Variants in BEND4 observed in about 807,000 individuals in gnomAD.
The protein encoded by BEND4 is BEN domain-containing protein 4.
Under a neutral mutation model 54.7 loss-of-function variants are expected in BEND4, and 27 were observed. That is an observed-to-expected ratio of 0.49 (90% CI 0.36 to 0.68). The LOEUF (loss-of-function observed/expected upper bound fraction) is 0.68. BEND4 is among the 30% of genes least tolerant of loss of function. The pLI, the probability that BEND4 is intolerant of heterozygous loss-of-function variation, is 0.00. For synonymous variants in BEND4, 327 were observed against 299.5 expected (o/e 1.09, Z -0.95); for missense variants, 702 against 697.2 (o/e 1.01, Z -0.08).
chr4:42,152,214 C>T lies in BEND4; in HGVS notation c.-71G>A, dbSNP rs1252556994. On this transcript the variant is annotated 5_prime_UTR_variant, in exon 2 of 6. Coordinates refer to ENST00000502486, the MANE Select transcript of BEND4 (RefSeq NM_207406.4). ...GGGCGCCGGGCTCCGAGGGTGCCTC[C>T]GCCGCCTGCCCGCCGGGTCTGCCCT... is the stretch of plus-strand genomic sequence containing the variant. 2 of 1,223,002 alleles carry T rather than the reference C, an allele frequency of 1.6e-6. No individual in the cohort carries two copies. The highest frequency in any genetic ancestry group is 3.3e-5 in the East Asian group (1 of 30,680). 75.8% of individuals were successfully genotyped at this position (1,223,002 alleles called of 1,614,324 possible).
intron 3 of BEND4, among the ~76,000 whole-genome samples, chr4:42,127,212 C>A (rs1454012098): frequency 6.6e-6 from 1 of 152,142 alleles, no homozygotes; most frequent in East Asian, 1.9e-4. Context: ...ATTTGAATAA[C>A]AGGAAGTAGG....
chr4:42,150,869 G>A (rs1284038049), intron 2 of BEND4, among the ~76,000 whole-genome samples: 4 of 152,346 alleles, frequency 2.6e-5, no homozygotes, highest in Non-Finnish European at 4.4e-5. Flanking sequence ...AGGACCCCGC[G>A]GCGCGGCAGC....
chr4:42,135,844 G>C (rs140148847), intron 3 of BEND4, among the ~76,000 whole-genome samples: 1 of 152,090 alleles, frequency 6.6e-6, no homozygotes, highest in Admixed American at 6.5e-5. Context: ...TTAGAGAAAG[G>C]GAAACAGATT....
chr4:42,117,457 A>G lies in BEND4; in HGVS notation c.*61T>C, dbSNP rs1448333902. On this transcript the variant is annotated 3_prime_UTR_variant, in exon 6 of 6. Coordinates refer to ENST00000502486, the MANE Select transcript of BEND4 (RefSeq NM_207406.4). ...CTTTGGACTCTCAGGTGACAGGAACAGGACATTCACAATTGGAACTCTTGA... is the reference window on the plus strand; with the variant it reads ...CTTTGGACTCTCAGGTGACAGGAACGGGACATTCACAATTGGAACTCTTGA... 8.4e-7 allele frequency: 1 copy of G among 1,197,344 alleles called. No homozygotes were observed. Among genetic ancestry groups the G allele is most frequent in the Non-Finnish European group, 1.2e-6 (1 of 831,174 alleles). The allele number at this position is 1,197,344 out of a possible 1,614,324, so 74.2% of individuals were successfully genotyped here.
chr4:42,138,153 A>C (rs554989189), intron 3 of BEND4, among the ~76,000 whole-genome samples: 38 of 152,348 alleles, frequency 2.5e-4, no homozygotes, highest in Admixed American at 2.0e-3. Context: ...TTGCAGCATT[A>C]TTCCCAATAG....
chr4:42,148,790 T>C (rs1218614828), intron 2 of BEND4, among the ~76,000 whole-genome samples: 1 of 152,238 alleles, frequency 6.6e-6, no homozygotes, highest in African/African-American at 2.4e-5. Flanking sequence ...TGCTTAAAGA[T>C]GCAATTTCCC....
chr4:42,144,047 A>G, intron 2 of BEND4, 53 bp from the exon 3 acceptor site: 1 of 1,280,494 alleles, frequency 7.8e-7, no homozygotes, highest in Non-Finnish European at 1.1e-6. Flanking sequence ...GCAAAAGATA[A>G]ATAAAGTCCT....
chr4:42,141,981 C>T (rs1178307195), intron 3 of BEND4, among the ~76,000 whole-genome samples: 1 of 151,712 alleles, frequency 6.6e-6, no homozygotes, highest in Non-Finnish European at 1.5e-5. Context: ...CTCAGCTCAC[C>T]GAACCTCTGC....
At position 42,114,412 on chromosome 4, in the gene BEND4, T is replaced by C. The variant is rs914959694; in HGVS notation, c.*3106A>G. The C allele has an allele frequency of 1.3e-5, 2 of 152,198 alleles. No individual in the cohort carries two copies. Among genetic ancestry groups the C allele is most frequent in the African/African-American group, 4.8e-5 (2 of 41,440 alleles). 9.4% of individuals were successfully genotyped at this position (152,198 alleles called of 1,614,324 possible). On this transcript the variant is annotated 3_prime_UTR_variant, in exon 6 of 6. Transcript: ENST00000502486. ...CCGACAAAAAAGCCACATTTAGTCT[T>C]TGTTGTCAAGCCAGCCCCGTGACCT...
Position 42,152,346 on chromosome 4 carries a change from G to A in BEND4, c.-203C>T. 1 of 349,528 alleles carries A rather than the reference G, an allele frequency of 2.9e-6. No individual in the cohort carries two copies. Among genetic ancestry groups the A allele is most frequent in the Non-Finnish European group, 5.0e-6 (1 of 198,742 alleles). 21.7% of individuals were successfully genotyped at this position (349,528 alleles called of 1,614,324 possible). Reference sequence around the variant, plus strand: ...CCCCGCGCGGGGGGCTGCCGCCCGAGCTCCTGATTGACAGGCTGCCTCGCC... The same window carrying A: ...CCCCGCGCGGGGGGCTGCCGCCCGAACTCCTGATTGACAGGCTGCCTCGCC... On this transcript the variant is annotated 5_prime_UTR_variant, in exon 2 of 6. Coordinates refer to ENST00000502486, the MANE Select transcript of BEND4 (RefSeq NM_207406.4).
chr4:42,138,561 G>A (rs577500829), intron 3 of BEND4, among the ~76,000 whole-genome samples: 5 of 152,246 alleles, frequency 3.3e-5, no homozygotes, highest in South Asian at 4.1e-4. Context: ...TAAGGCTATC[G>A]AACAGATTGT....
intron 4 of BEND4, among the ~76,000 whole-genome samples, chr4:42,123,835 G>GT (rs1720166143): frequency 6.6e-6 from 1 of 152,092 alleles, no homozygotes; most frequent in Admixed American, 6.6e-5. Flanking sequence ...GACGTAGGAA[G>GT]TAAGGGGGTC....
At chr4:42,135,134 T>C (rs1720653045) in intron 3 of BEND4, among the ~76,000 whole-genome samples, 1 of 152,022 alleles carries the variant, frequency 6.6e-6, no homozygotes, top group Admixed American at 6.6e-5. Context: ...TTGCAACAGC[T>C]CCAGTTATGA....
rs1719799242 is a variant in BEND4, at chr4:42,115,832, ATTGGTTCTCCCTAT to A, written c.*1672_*1685del. 1 of 145,550 alleles carries A rather than the reference ATTGGTTCTCCCTAT, an allele frequency of 6.9e-6. No individual in the cohort carries two copies. The highest frequency in any genetic ancestry group is 2.8e-5 in the African/African-American group (1 of 35,692). 9.0% of individuals were successfully genotyped at this position (145,550 alleles called of 1,614,324 possible). A position where few individuals can be genotyped will look rare whatever the true frequency, so the allele number is the denominator to read the frequency against. ...TAATTTGCCCCAAATAGAATTGAAT[ATTGGTTCTCCCTAT>A]TCCATTGAATGATATGACAAATTTT... On this transcript the variant is annotated 3_prime_UTR_variant, in exon 6 of 6. Transcript: ENST00000502486.
At chr4:42,133,087 T>C (rs1349367750) in intron 3 of BEND4, among the ~76,000 whole-genome samples, 1 of 152,334 alleles carries the variant, frequency 6.6e-6, no homozygotes, top group East Asian at 1.9e-4. Context: ...GTGTAAATAA[T>C]ACATGTAAAG....
chr4:42,152,091 T>C lies in BEND4; in HGVS notation c.53A>G (p.Tyr18Cys). Residue 18 changes from tyrosine (Y) to cysteine (C), a missense_variant, in exon 2 of 6, where the codon TAC becomes TGC. Tyr to Cys is a radical substitution (Grantham distance 194, BLOSUM62 -2). Coordinates refer to ENST00000502486, the MANE Select transcript of BEND4 (RefSeq NM_207406.4). ...AEEGPSVPKI[Y>C]KQRSPYSVLK... Reference sequence around the variant, plus strand: ...GACGCTGTAGGGGCTGCGCTGCTTGTAGATTTTGGGGACGCTGGGCCCCTC... The same window carrying C: ...GACGCTGTAGGGGCTGCGCTGCTTGCAGATTTTGGGGACGCTGGGCCCCTC... The C allele has an allele frequency of 1.6e-6, 2 of 1,249,256 alleles. No homozygotes were observed. The highest frequency in any genetic ancestry group is 1.6e-5 in the African/African-American group (1 of 64,340). 77.4% of individuals were successfully genotyped at this position (1,249,256 alleles called of 1,614,324 possible).
chr4:42,136,209 G>A (rs770007713), intron 3 of BEND4, among the ~76,000 whole-genome samples: 3 of 152,148 alleles, frequency 2.0e-5, no homozygotes, highest in Non-Finnish European at 4.4e-5. Flanking sequence ...TTCAAGTTTG[G>A]AGGTTGGTGA....
chr4:42,147,765 A>C (rs1721128326), intron 2 of BEND4, among the ~76,000 whole-genome samples: 1 of 152,156 alleles, frequency 6.6e-6, no homozygotes, highest in South Asian at 2.1e-4. Context: ...TTAATTAAAA[A>C]ATTCATTTTG....
Position 42,115,988 on chromosome 4 carries a change from C to G in BEND4, c.*1530G>C, listed in dbSNP as rs1305918230. ...TTTCAATGGATGAATTCTAGTAATA[C>G]AAAAAAGCTAATAAACAAAAGCTAC... On this transcript the variant is annotated 3_prime_UTR_variant, in exon 6 of 6. Coordinates refer to ENST00000502486, the MANE Select transcript of BEND4 (RefSeq NM_207406.4). 2 of 152,110 alleles carry G rather than the reference C, an allele frequency of 1.3e-5. No individual in the cohort carries two copies. Among genetic ancestry groups the G allele is most frequent in the African/African-American group, 4.8e-5 (2 of 41,424 alleles). The allele number at this position is 152,110 out of a possible 1,614,324, so 9.4% of individuals were successfully genotyped here. A position where few individuals can be genotyped will look rare whatever the true frequency, so the allele number is the denominator to read the frequency against.
Sources: gnomAD v4.1 joint callset for allele counts (sites outside exome capture counted in the v4.1 genomes callset) on GRCh38, gnomAD v4.1.1 for gene constraint, MANE v1.5 for transcripts, NCBI Gene and HGNC (gene_info 2026-07-23, HGNC 2026-07-21) for gene names.